The following RNF40 variants were observed in gnomAD, a reference collection of about 807,000 sequenced individuals.
The protein encoded by RNF40 is E3 ubiquitin-protein ligase BRE1B.
In RNF40, 39 loss-of-function variants were observed where a neutral mutation model predicts 123.3. The ratio of observed to expected loss-of-function variants is 0.32; its 90% CI spans 0.24 to 0.41. The LOEUF (loss-of-function observed/expected upper bound fraction) is 0.41, where lower values mean the gene tolerates loss of function less well. RNF40 is among the 10% of genes least tolerant of loss of function. The pLI, the probability that RNF40 is intolerant of heterozygous loss-of-function variation, is 1.00. For missense variants in RNF40, 1,003 were observed against 1,319.9 expected, an observed-to-expected ratio of 0.76 and a Z score of 3.72; for synonymous variants, 538 against 526.0, an observed-to-expected ratio of 1.02 and a Z score of -0.31.
At position 30,774,241 on chromosome 16, in the gene RNF40, A is replaced by G; in HGVS notation, c.*127A>G. Reference sequence around the variant, plus strand: ...CCATGGGCCCAGCCCCTGCCCATCTAGTTGGTTTGGGGACCCTGGTGCATG... The same window carrying G: ...CCATGGGCCCAGCCCCTGCCCATCTGGTTGGTTTGGGGACCCTGGTGCATG... On this transcript the variant is annotated 3_prime_UTR_variant, in exon 20 of 20. Transcript: ENST00000324685. The G allele has an allele frequency of 9.5e-7, 1 of 1,050,578 alleles. No homozygotes were observed. The highest frequency in any genetic ancestry group is 1.4e-6 in the Non-Finnish European group (1 of 740,494). The allele number at this position is 1,050,578 out of a possible 1,614,324, so 65.1% of individuals were successfully genotyped here.
At chr16:30,762,276 T>TGG (rs1567277768), upstream of RNF40, 2 of 420,068 alleles carry the variant, frequency 4.8e-6, no homozygotes, top group Non-Finnish European at 8.5e-6. Flanking sequence ...CTGCGCACCG[T>TGG]TGGGGGGGGG....
At position 30,772,160 on chromosome 16, in the gene RNF40, A is replaced by T; in HGVS notation, c.2799A>T (p.Glu933Asp). Residue 933 changes from glutamate (E) to aspartate (D), a missense_variant, in exon 19 of 20, where the codon GAA becomes GAT. Glu to Asp is a conservative substitution (Grantham distance 45). Around this residue, in one of 11 missense-constraint regions of RNF40, gnomAD observed 76 missense variants for 134.1 expected, o/e 0.57. Coordinates refer to ENST00000324685, the MANE Select transcript of RNF40 (RefSeq NM_014771.4). ...RKVEVYADAD[E>D]ILQEEIKEYK... ...TGGAGGTCTACGCAGATGCCGACGA[A>T]ATCCTCCAGGAGGAGATCAAGGAGT... 6.4e-7 allele frequency: 1 copy of T among 1,553,032 alleles called. No homozygotes were observed. The highest frequency in any genetic ancestry group is 8.7e-7 in the Non-Finnish European group (1 of 1,147,704).
rs748413628 is a variant in RNF40, at chr16:30,762,617, TGAG to T, written c.76_78del (p.Glu26del). 15 of 1,611,388 alleles carry T rather than the reference TGAG, an allele frequency of 9.3e-6. No individual in the cohort carries two copies. Among genetic ancestry groups the T allele is most frequent in the Non-Finnish European group, 3.4e-6 (4 of 1,179,580 alleles). On this transcript the variant is annotated inframe_deletion, in exon 2 of 20. Coordinates refer to ENST00000324685, the MANE Select transcript of RNF40 (RefSeq NM_014771.4). ...GGCCCCCGGAAAAGAAGCTGAGTCGTGAGGAGAAGACCACCACGACTCTTATCG... is the reference window on the plus strand; with the variant it reads ...GGCCCCCGGAAAAGAAGCTGAGTCGTGAGAAGACCACCACGACTCTTATCG...
chr16:30,763,757 GT>G (rs916409713), intron 4 of RNF40, among the ~76,000 whole-genome samples, 198 bp downstream of exon 4: 2 of 152,244 alleles, frequency 1.3e-5, no homozygotes, highest in Admixed American at 1.3e-4. Flanking sequence ...AGCAATTCAT[GT>G]TTTGACACCC....
Position 30,763,316 on chromosome 16 carries a change from CT to C in RNF40, c.300+33del, listed in dbSNP as rs771404928. 3.1e-6 allele frequency: 5 copies of C among 1,611,326 alleles called. No individual in the cohort carries two copies. In the Admixed American group the frequency reaches 8.3e-5, roughly 27 times the overall value. ...TACCTTCTGCTTTCAAAGACCAGGCCTTGATTCAGCTGCCAATCCCCAGATT... is the reference window on the plus strand; with the variant it reads ...TACCTTCTGCTTTCAAAGACCAGGCCTGATTCAGCTGCCAATCCCCAGATT... On this transcript the variant is annotated intron_variant, in intron 3 of 19. Transcript: ENST00000324685.
chr16:30,769,017 A>G (rs1381787733), intron 15 of RNF40, 30 bp downstream of exon 15: 1 of 1,613,256 alleles, frequency 6.2e-7, no homozygotes, highest in Admixed American at 1.7e-5. Flanking sequence ...CTCGCGTCGG[A>G]GCGCAGGGAG....
Position 30,774,429 on chromosome 16 carries a change from C to T in RNF40, c.*315C>T, listed in dbSNP as rs1348425074. ...AAACTGGCCCTAACCTGTCTGTCTC[C>T]GTGGATGCATCCTAACCCTAAGGAA... is the stretch of plus-strand genomic sequence containing the variant. On this transcript the variant is annotated 3_prime_UTR_variant, in exon 20 of 20. Transcript: ENST00000324685. 7 of 318,534 alleles carry T rather than the reference C, an allele frequency of 2.2e-5. No homozygotes were observed. Among genetic ancestry groups the T allele is most frequent in the South Asian group, 1.2e-4 (2 of 16,756 alleles). 19.7% of individuals were successfully genotyped at this position (318,534 alleles called of 1,614,324 possible).
rs2053874145 is a variant in RNF40, at chr16:30,762,484, G to A, written c.-62G>A. 5 of 1,502,746 alleles carry A rather than the reference G, an allele frequency of 3.3e-6. No individual in the cohort carries two copies. In the East Asian group the frequency reaches 1.2e-4, roughly 35 times the overall value. The allele number at this position is 1,502,746 out of a possible 1,614,324, so 93.1% of individuals were successfully genotyped here. A position where few individuals can be genotyped will look rare whatever the true frequency, so the allele number is the denominator to read the frequency against. On this transcript the variant is annotated 5_prime_UTR_variant, in exon 2 of 20. Transcript: ENST00000324685. ...TCTGTGTCTTCTGCAGGTGACGGAAGTACCGCCTCCTCCCGTTTGACGCCC... is the reference window on the plus strand; with the variant it reads ...TCTGTGTCTTCTGCAGGTGACGGAAATACCGCCTCCTCCCGTTTGACGCCC...
rs2054011305 is a variant in RNF40, at chr16:30,765,484, A to G, written c.978A>G (p.Thr326=). The change falls in exon 8 of 20, where the codon ACA becomes ACG. Residue 326 remains threonine, a synonymous_variant. Coordinates refer to ENST00000324685, the MANE Select transcript of RNF40 (RefSeq NM_014771.4). Reference sequence around the variant, plus strand: ...CAGGCTTCCAGGGGGGCCAGATCACACTCAGCATGCAGAAGGTGAGCGGCG... The same window carrying G: ...CAGGCTTCCAGGGGGGCCAGATCACGCTCAGCATGCAGAAGGTGAGCGGCG... ...SSSGFQGGQI[T]LSMQKFEMLN... 1.2e-6 allele frequency: 2 copies of G among 1,613,916 alleles called. No individual in the cohort carries two copies. Among genetic ancestry groups the G allele is most frequent in the Non-Finnish European group, 1.7e-6 (2 of 1,179,948 alleles).
chr16:30,766,259 G>A lies in RNF40; in HGVS notation c.1090G>A (p.Val364Met), dbSNP rs780112761. The change falls in exon 9 of 20, where the codon GTG becomes ATG. Residue 364 changes from valine to methionine, a missense_variant. Coordinates refer to ENST00000324685, the MANE Select transcript of RNF40 (RefSeq NM_014771.4). This position sits in a 1 kb window ranked among gnomAD's most constrained non-coding sequence, Gnocchi z 5.4. ...EKLQAELQGA[V>M]RTNERLKVAL... is the part of the protein sequence containing the mutation. Reference sequence around the variant, plus strand: ...ACTGCAGGCCGAACTTCAGGGGGCTGTGCGGACCAATGAGCGCCTCAAGGT... The same window carrying A: ...ACTGCAGGCCGAACTTCAGGGGGCTATGCGGACCAATGAGCGCCTCAAGGT... 1.2e-6 allele frequency: 2 copies of A among 1,614,054 alleles called. No homozygotes were observed. The highest frequency in any genetic ancestry group is 1.3e-5 in the African/African-American group (1 of 74,948).
At chr16:30,770,119 A>ATGGACTTTTTTTTTTTTTTTT (rs144255833) in intron 17 of RNF40, among the ~76,000 whole-genome samples, 1 of 98,850 alleles carries the variant, frequency 1.0e-5, no homozygotes, top group African/African-American at 3.8e-5. Flanking sequence ...AAAACAAAAG[A>ATGGACTTTTTTTTTTTTTTTT]TTTTTGAGTT....
At chr16:30,763,022 C>CT in intron 2 of RNF40, 96 bp from the exon 3 acceptor site, 5 of 1,336,184 alleles carry the variant, frequency 3.7e-6, no homozygotes, top group Non-Finnish European at 4.2e-6. Flanking sequence ...CTCCATCTCC[C>CT]ATGCATTGCA....
chr16:30,766,500 C>G lies in RNF40; in HGVS notation c.1235C>G (p.Ala412Gly). Residue 412 changes from alanine (A) to glycine (G), a missense_variant, in exon 10 of 20, where the codon GCT becomes GGT. By Grantham distance (60) the Ala-to-Gly change is moderately conservative. Transcript: ENST00000324685. The surrounding 1 kb of genome is among the most constrained non-coding windows in gnomAD (Gnocchi z 5.4). ...CAAGTGAAGACCCAGCTAGACGAGG[C>G]TCGGGGCCTGCTGCTGGCCACAAAG... ...SLQVKTQLDE[A>G]RGLLLATKNS... 1 of 1,613,476 alleles carries G rather than the reference C, an allele frequency of 6.2e-7. No individual in the cohort carries two copies. Among genetic ancestry groups the G allele is most frequent in the South Asian group, 1.1e-5 (1 of 91,048 alleles).
At position 30,766,134 on chromosome 16, in the gene RNF40, C is replaced by T; in HGVS notation, c.994-29C>T. 2 of 1,613,342 alleles carry T rather than the reference C, an allele frequency of 1.2e-6. No individual in the cohort carries two copies. The highest frequency in any genetic ancestry group is 1.7e-6 in the Non-Finnish European group (2 of 1,179,834). On this transcript the variant is annotated intron_variant, in intron 8 of 19. Coordinates refer to ENST00000324685, the MANE Select transcript of RNF40 (RefSeq NM_014771.4). This position sits in a 1 kb window ranked among gnomAD's most constrained non-coding sequence, Gnocchi z 5.4. Reference sequence around the variant, plus strand: ...GGCCTGCTGCCACGTCTGGCCCTGCCTCCCATGGCCCTGCCTCCCACTCCT... The same window carrying T: ...GGCCTGCTGCCACGTCTGGCCCTGCTTCCCATGGCCCTGCCTCCCACTCCT...
At chr16:30,762,281 G>GGA (rs1349390499), upstream of RNF40, 1 of 463,750 alleles carries the variant, frequency 2.2e-6, no homozygotes, top group African/African-American at 2.1e-5. Context: ...CACCGTTGGG[G>GGA]GGGGGGCAGT....
In RNF40 at chr16:30,771,938, C is replaced by T. The variant is rs750087801; in HGVS notation, c.2692C>T (p.Arg898Cys). The T allele has an allele frequency of 5.6e-6, 9 of 1,602,078 alleles. No homozygotes were observed. Among genetic ancestry groups the T allele is most frequent in the Non-Finnish European group, 7.7e-6 (9 of 1,172,412 alleles). The change falls in exon 18 of 20, where the codon CGT (arginine) becomes TGT (cysteine). Residue 898 changes from arginine (R) to cysteine (C), a missense_variant. Arg to Cys is a radical substitution (Grantham distance 180, BLOSUM62 -3). This residue lies in a region of RNF40 where 121 missense variants were observed against 125.3 expected (regional missense o/e 0.97). Transcript: ENST00000324685. ...QPCLAESRAA[R>C]EKESFNLKRA... is the part of the protein sequence containing the mutation. ...CTGCCTGGCAGAGAGCCGGGCTGCT[C>T]GTGAGAAAGAGAGCTTCAACCTCAA... is the stretch of plus-strand genomic sequence containing the variant.
Position 30,769,534 on chromosome 16 carries a change from C to A in RNF40, c.2520C>A (p.Gly840=). The change falls in exon 17 of 20, where the codon GGC becomes GGA. Residue 840 remains glycine (G), a synonymous_variant. Transcript: ENST00000324685. ...KLEEKERALQ[G]SLGGVEKELT... ...AGGAGAAGGAGCGAGCCTTGCAGGG[C>A]AGCCTCGGGGGTGTGGAGAAGGAGC... The A allele has an allele frequency of 1.9e-6, 3 of 1,612,666 alleles. No individual in the cohort carries two copies. The highest frequency in any genetic ancestry group is 2.5e-6 in the Non-Finnish European group (3 of 1,179,126).
chr16:30,761,640 CA>C, upstream of RNF40: 1 of 1,536,096 alleles, frequency 6.5e-7, no homozygotes. Context: ...GCGGCCGACC[CA>C]TGCACTGAGC....
chr16:30,761,764 T>G (rs1002247475), upstream of RNF40: 1 of 1,510,610 alleles, frequency 6.6e-7, no homozygotes, highest in African/African-American at 1.4e-5. Flanking sequence ...CGCTCTTCCG[T>G]GCCGCGAGGC....
Sources: allele counts gnomAD v4.1 joint callset (sites outside exome capture counted in the v4.1 genomes callset), GRCh38; gene constraint gnomAD v4.1.1; regional missense constraint gnomAD v4.1.1; non-coding constraint Gnocchi (gnomAD v3.1); transcripts MANE v1.5; gene names NCBI Gene and HGNC (gene_info 2026-07-23, HGNC 2026-07-21).